Variants in KDM2A observed in about 807,000 individuals in gnomAD.
KDM2A encodes lysine-specific demethylase 2A.
KDM2A carries 3 observed loss-of-function variants against 137.3 expected under a neutral mutation model. That is an observed-to-expected ratio of 0.02 (90% CI 0.01 to 0.06). The LOEUF (loss-of-function observed/expected upper bound fraction) is 0.06, where lower values mean the gene tolerates loss of function less well. Among genes scored for constraint, KDM2A ranks in the 10% least tolerant of loss-of-function variants. The pLI is 1.00. For synonymous variants in KDM2A, 512 were observed against 541.5 expected (o/e 0.95, Z 0.76); for missense variants, 738 against 1,510.6 (o/e 0.49, Z 8.48).
chr11:67,145,211 G>A (rs1590720230), intron 2 of KDM2A, among the ~76,000 whole-genome samples: 1 of 151,318 alleles, frequency 6.6e-6, no homozygotes, highest in African/African-American at 2.4e-5. Flanking sequence ...GAGGCTAATC[G>A]CTGTTGCTCA....
intron 2 of KDM2A, among the ~76,000 whole-genome samples, chr11:67,124,446 C>T (rs1036499139): frequency 1.3e-5 from 2 of 151,666 alleles, no homozygotes; most frequent in South Asian, 2.1e-4. Flanking sequence ...CAAGTAGCTG[C>T]GATTACAGGC....
At chr11:67,209,521 G>A (rs982898288) in intron 6 of KDM2A, among the ~76,000 whole-genome samples, 2 of 151,742 alleles carry the variant, frequency 1.3e-5, no homozygotes, top group Non-Finnish European at 2.9e-5. Flanking sequence ...TTGGCTCACT[G>A]CAGCCTCCGC....
intron 2 of KDM2A, among the ~76,000 whole-genome samples, chr11:67,137,869 C>G (rs1186937687): frequency 6.6e-6 from 1 of 152,116 alleles, no homozygotes; most frequent in South Asian, 2.1e-4. Flanking sequence ...GCGATCTCGG[C>G]TCACTGCAAC....
At chr11:67,217,657 C>T (rs746996656) in intron 8 of KDM2A, 74 bp from the exon 9 acceptor site, 22 of 1,451,620 alleles carry the variant, frequency 1.5e-5, no homozygotes, top group East Asian at 2.3e-5. Context: ...TAATTTTGTA[C>T]CTGTTTATCA....
intron 5 of KDM2A, chr11:67,195,772 G>A (rs1857465039): frequency 5.2e-6 from 1 of 193,896 alleles, no homozygotes; most frequent in South Asian, 1.0e-4. Context: ...CTTAACATAA[G>A]CCAACAATTG....
At chr11:67,152,434 A>T (rs1350473614) in intron 2 of KDM2A, among the ~76,000 whole-genome samples, 4 of 151,840 alleles carry the variant, frequency 2.6e-5, no homozygotes, top group Non-Finnish European at 5.9e-5. Context: ...AAGAGACCTC[A>T]TCTCTACAAA....
At chr11:67,206,090 C>T (rs1360092354) in intron 5 of KDM2A, among the ~76,000 whole-genome samples, 1 of 152,122 alleles carries the variant, frequency 6.6e-6, no homozygotes, top group Non-Finnish European at 1.5e-5. Context: ...TATTAATGTT[C>T]AGAGAAATTA....
rs530827939 is a variant in KDM2A, at chr11:67,227,592, C to A, written c.958-445C>A. Among the ~76,000 whole-genome samples the A allele has an allele frequency of 2.6e-5, 4 of 151,974 alleles. No individual in the cohort carries two copies. The South Asian group carries it at 8.3e-4, about 32-fold the overall frequency. On this transcript the variant is annotated intron_variant, in intron 10 of 20. Transcript: ENST00000529006. ...CCTTTTTTTGTTGTTGTTGTTCAGA[C>A]GGAGTCTCACTCTGTAGCCCAGACT...
At chr11:67,135,614 G>A (rs1487800740) in intron 2 of KDM2A, among the ~76,000 whole-genome samples, 1 of 152,222 alleles carries the variant, frequency 6.6e-6, no homozygotes, top group Non-Finnish European at 1.5e-5. Context: ...GTTTCTGAGA[G>A]TGACCTCAAG....
intron 2 of KDM2A, among the ~76,000 whole-genome samples, chr11:67,174,275 C>G (rs556011998): frequency 2.0e-5 from 3 of 152,000 alleles, no homozygotes; most frequent in Non-Finnish European, 4.4e-5. Flanking sequence ...AGAAAGAAAC[C>G]GTTTCCTAAA....
At chr11:67,179,541 A>C (rs1433346394) in intron 2 of KDM2A, among the ~76,000 whole-genome samples, 1 of 152,128 alleles carries the variant, frequency 6.6e-6, no homozygotes, top group African/African-American at 2.4e-5. Flanking sequence ...CTGCTTCCCA[A>C]AGTACTGGGA....
In KDM2A at chr11:67,128,009, C is replaced by CTT. The variant is rs56704753; in HGVS notation, c.42+6674_42+6675dup. ...ACAGTTGTGAGCCAGCACACCCGGC[C>CTT]TTTTTTTTTTTTTTTTTTTTTTTTA... On this transcript the variant is annotated intron_variant, in intron 2 of 20. Transcript: ENST00000529006. Among the ~76,000 whole-genome samples the CTT allele has an allele frequency of 9.7e-3, 1,046 of 107,832 alleles. 20 individuals carry two copies. Among genetic ancestry groups the CTT allele is most frequent in the Non-Finnish European group, 0.017 (894 of 53,062 alleles). 70.7% of individuals were successfully genotyped at this position (107,832 alleles called of 152,430 possible).
At chr11:67,252,456 A>G (rs1859459085) in intron 17 of KDM2A, 4 of 522,568 alleles carry the variant, frequency 7.7e-6, no homozygotes, top group South Asian at 4.1e-5. Context: ...AAATCAGGGT[A>G]AAGTGGTCAA....
chr11:67,174,447 C>CTA (rs1398165977), intron 2 of KDM2A, among the ~76,000 whole-genome samples: 1 of 152,156 alleles, frequency 6.6e-6, no homozygotes, highest in Non-Finnish European at 1.5e-5. Flanking sequence ...ACCCTTTCCA[C>CTA]TATTCTATTT....
intron 5 of KDM2A, among the ~76,000 whole-genome samples, chr11:67,185,018 T>G (rs919118563): frequency 6.6e-6 from 1 of 152,118 alleles, no homozygotes; most frequent in African/African-American, 2.4e-5. Flanking sequence ...ACAGAAAATG[T>G]CTTTGAAAAA....
Position 67,119,342 on chromosome 11 carries a change from CGG to C in KDM2A, c.-790_-789del. On this transcript the variant is annotated 5_prime_UTR_variant, in exon 1 of 21. Transcript: ENST00000529006. ...GTGTGAGGGAAACAACACCCCTCCCCGGCAGCGGCGGCGGCGGCGGCGGCTCT... is the reference window on the plus strand; with the variant it reads ...GTGTGAGGGAAACAACACCCCTCCCCCAGCGGCGGCGGCGGCGGCGGCTCT... The C allele has an allele frequency of 6.0e-6, 1 of 166,188 alleles. No homozygotes were observed. The highest frequency in any genetic ancestry group is 1.3e-5 in the Non-Finnish European group (1 of 79,754). The allele number at this position is 166,188 out of a possible 1,614,324, so 10.3% of individuals were successfully genotyped here. A position where few individuals can be genotyped will look rare whatever the true frequency, so the allele number is the denominator to read the frequency against.
chr11:67,253,380 T>C (rs748790790), intron 18 of KDM2A, 73 bp from the exon 19 acceptor site: 8 of 1,368,662 alleles, frequency 5.8e-6, no homozygotes, highest in Non-Finnish European at 7.2e-6. Flanking sequence ...TTGTTCACTT[T>C]GCTCAGATCG....
At position 67,254,844 on chromosome 11, in the gene KDM2A, G is replaced by T. The variant is rs774811418; in HGVS notation, c.3308-30G>T. On this transcript the variant is annotated intron_variant, in intron 20 of 20. Coordinates refer to ENST00000529006, the MANE Select transcript of KDM2A (RefSeq NM_012308.3). The surrounding 1 kb of genome is among the most constrained non-coding windows in gnomAD (Gnocchi z 4.7). ...GCAGAGGAAAGCTGTGTGTATGTGA[G>T]CACTGTCATTATGTCCACTTTCCCG... is the stretch of plus-strand genomic sequence containing the variant. 4 of 1,596,988 alleles carry T rather than the reference G, an allele frequency of 2.5e-6. No individual in the cohort carries two copies. Among genetic ancestry groups the T allele is most frequent in the Non-Finnish European group, 3.4e-6 (4 of 1,165,056 alleles).
intron 5 of KDM2A, chr11:67,196,428 C>T (rs1565398839): frequency 2.2e-6 from 1 of 455,982 alleles, no homozygotes; most frequent in Non-Finnish European, 4.4e-6. Context: ...GCATGAGCCA[C>T]AGTGCTTGGC....
Sources: allele counts gnomAD v4.1 joint callset (sites outside exome capture counted in the v4.1 genomes callset), GRCh38; gene constraint gnomAD v4.1.1; non-coding constraint Gnocchi (gnomAD v3.1); transcripts MANE v1.5; gene names NCBI Gene and HGNC (gene_info 2026-07-23, HGNC 2026-07-21).